The following CDC42BPB variants were observed in gnomAD, a reference collection of about 807,000 sequenced individuals.
The protein encoded by CDC42BPB is serine/threonine-protein kinase MRCK beta.
A neutral mutation model predicts 214.9 loss-of-function variants in CDC42BPB; 37 were observed. The ratio of observed to expected loss-of-function variants is 0.17; its 90% CI spans 0.13 to 0.23. The LOEUF (loss-of-function observed/expected upper bound fraction) is 0.23. Among genes scored for constraint, CDC42BPB ranks in the 10% least tolerant of loss-of-function variants. The probability of loss-of-function intolerance (pLI) is 1.00; values close to 1 mark genes in which losing one functional copy is unlikely to be tolerated. For synonymous variants in CDC42BPB, 931 were observed against 884.0 expected (o/e 1.05, Z -0.94); for missense variants, 1,694 against 2,227.0 (o/e 0.76, Z 4.82).
intron 36 of CDC42BPB, among the ~76,000 whole-genome samples, chr14:102,934,750 A>G (rs183312637): frequency 2.9e-4 from 44 of 149,574 alleles, no homozygotes; most frequent in Admixed American, 6.0e-4. Context: ...GGTGGCTCAC[A>G]CCTGTAATCC....
At chr14:102,954,769 A>G (rs1892642458) in intron 21 of CDC42BPB, 81 bp from the exon 22 acceptor site, 1 of 1,523,694 alleles carries the variant, frequency 6.6e-7, no homozygotes, top group Non-Finnish European at 8.9e-7. Flanking sequence ...TTCTTTACTA[A>G]TAAAAGCAGA....
rs746030001 is a variant in CDC42BPB, at chr14:103,004,009, T to G, written c.366A>C (p.Arg122=). 4 of 1,604,552 alleles carry G rather than the reference T, an allele frequency of 2.5e-6. No individual in the cohort carries two copies. In the South Asian group the frequency reaches 4.4e-5, roughly 18 times the overall value. The change falls in exon 4 of 37, where the codon CGA becomes CGC. Residue 122 remains arginine, a synonymous_variant. Transcript: ENST00000361246. The surrounding 1 kb of genome is among the most constrained non-coding windows in gnomAD (Gnocchi z 5.3). ...CGTTCACCAGCACATCGCGCTCCTC[T>G]CGGAAGCACGCGGTCTGCAAAGCAA... ...MLKRAETACF[R]EERDVLVNGD... is the part of the protein sequence containing the mutation.
In CDC42BPB at chr14:102,983,378, C is replaced by T. The variant is rs12433994; in HGVS notation, c.891+178G>A. Among the ~76,000 whole-genome samples, 208 of 152,246 alleles carry T rather than the reference C, an allele frequency of 1.4e-3. 3 individuals carry two copies. Among genetic ancestry groups the T allele is most frequent in the Admixed American group, 6.2e-3 (95 of 15,294 alleles). ...ACATCTCCTGGTGCCGACCCCGCCTCTGGATGCCCTCTCCAATGTCTACTC... is the reference window on the plus strand; with the variant it reads ...ACATCTCCTGGTGCCGACCCCGCCTTTGGATGCCCTCTCCAATGTCTACTC... On this transcript the variant is annotated intron_variant, in intron 7 of 36. Coordinates refer to ENST00000361246, the MANE Select transcript of CDC42BPB (RefSeq NM_006035.4).
At chr14:103,016,273 C>G (rs1044902226) in intron 1 of CDC42BPB, among the ~76,000 whole-genome samples, 9 of 152,244 alleles carry the variant, frequency 5.9e-5, no homozygotes, top group Non-Finnish European at 1.5e-5. Flanking sequence ...GAAGGAACTT[C>G]GCTGCCAGGA....
rs978791683 is a variant in CDC42BPB, at chr14:102,938,187, G to A, written c.4934-13C>T. 10 of 1,612,584 alleles carry A rather than the reference G, an allele frequency of 6.2e-6. No homozygotes were observed. Among genetic ancestry groups the A allele is most frequent in the Non-Finnish European group, 8.5e-6 (10 of 1,179,520 alleles). On this transcript the variant is annotated splice_polypyrimidine_tract_variant and intron_variant, in intron 35 of 36. Coordinates refer to ENST00000361246, the MANE Select transcript of CDC42BPB (RefSeq NM_006035.4). ...GGCTCCGATCCACCTACAGAACAAG[G>A]ACAGCTTTCCTCTTAGGGAGAAAGT...
At chr14:103,021,721 A>G (rs973629467) in intron 1 of CDC42BPB, among the ~76,000 whole-genome samples, 5 of 150,696 alleles carry the variant, frequency 3.3e-5, no homozygotes, top group Admixed American at 1.3e-4. Flanking sequence ...AAAGACAGGA[A>G]GACAAGTGAG....
intron 6 of CDC42BPB, among the ~76,000 whole-genome samples, chr14:102,984,675 T>C (rs1413271688): frequency 6.7e-6 from 1 of 150,322 alleles, no homozygotes; most frequent in African/African-American, 2.5e-5. Flanking sequence ...CGATGGAGAG[T>C]ATAGGGCCAT....
At chr14:102,946,411 C>T (rs546039088) in intron 28 of CDC42BPB, 57 bp downstream of exon 28, 52 of 1,580,740 alleles carry the variant, frequency 3.3e-5, no homozygotes, top group Middle Eastern at 2.1e-4. Flanking sequence ...GGCACTGCAG[C>T]GCCGCCGGAA....
intron 9 of CDC42BPB, 85 bp from the exon 10 acceptor site, chr14:102,976,134 T>A: frequency 6.5e-6 from 10 of 1,548,262 alleles, no homozygotes; most frequent in Non-Finnish European, 8.7e-6. Flanking sequence ...AGGTGAAAGA[T>A]AGTCTTTTTA....
At chr14:102,995,527 C>T (rs1024770755) in intron 5 of CDC42BPB, among the ~76,000 whole-genome samples, 2 of 152,222 alleles carry the variant, frequency 1.3e-5, no homozygotes. Context: ...TTCCGGATAT[C>T]ATCAGGGGCT....
At chr14:103,030,775 G>C (rs976511988) in intron 1 of CDC42BPB, among the ~76,000 whole-genome samples, 11 of 152,080 alleles carry the variant, frequency 7.2e-5, no homozygotes, top group Non-Finnish European at 1.6e-4. Context: ...CTTACGCCTA[G>C]ATGTTCCAGA....
chr14:102,954,882 C>T (rs1892647134), intron 21 of CDC42BPB, 194 bp from the exon 22 acceptor site: 1 of 869,170 alleles, frequency 1.2e-6, no homozygotes, highest in Non-Finnish European at 1.4e-6. Flanking sequence ...CCGGCCTGCC[C>T]TGAGGACCCC....
Position 102,933,716 on chromosome 14 carries a change from G to A in CDC42BPB, c.5132C>T (p.Thr1711Ile). 6.8e-7 allele frequency: 1 copy of A among 1,471,502 alleles called. No homozygotes were observed. The highest frequency in any genetic ancestry group is 8.9e-7 in the Non-Finnish European group (1 of 1,126,234). 91.2% of individuals were successfully genotyped at this position (1,471,502 alleles called of 1,614,324 possible). Residue 1711 changes from threonine (T) to isoleucine (I), a missense_variant, in exon 37 of 37, where the codon ACC (threonine) becomes ATC (isoleucine). By Grantham distance (89) the Thr-to-Ile change is moderately conservative (BLOSUM62 -1). Transcript: ENST00000361246. ...CCCTGTGGCGAGCTGGCGGCTTCAG[G>A]TGTCACAGGCCGGCTGCTCCAGGCC... is the stretch of plus-strand genomic sequence containing the variant. The part of the protein sequence containing the change: ...LEGLEQPACD[T>I]
chr14:103,042,695 A>G (rs1174903473), intron 1 of CDC42BPB, among the ~76,000 whole-genome samples: 2 of 152,334 alleles, frequency 1.3e-5, no homozygotes, highest in Non-Finnish European at 2.9e-5. Flanking sequence ...TAACACATGA[A>G]AAGATGTTCA....
At position 102,999,624 on chromosome 14, in the gene CDC42BPB, G is replaced by GTC. The variant is rs1476272685; in HGVS notation, c.536_537insGA (p.Phe179LeufsTer33). 1 of 1,614,160 alleles carries GTC rather than the reference G, an allele frequency of 6.2e-7. No individual in the cohort carries two copies. Among genetic ancestry groups the GTC allele is most frequent in the Non-Finnish European group, 8.5e-7 (1 of 1,180,012 alleles). On this transcript the variant is annotated frameshift_variant, in exon 5 of 37. Transcript: ENST00000361246. LOFTEE classifies it high-confidence loss of function. ...TGGCCAGCACCATTTCACCAATGTA[G>GTC]AACCTCGCCATATCTTCCGGAAGCT...
chr14:103,020,136 C>T (rs1886686450), intron 1 of CDC42BPB, among the ~76,000 whole-genome samples: 2 of 152,230 alleles, frequency 1.3e-5, no homozygotes, highest in African/African-American at 2.4e-5. Context: ...TCTGTTCATC[C>T]GTGCCACCCT....
At chr14:102,949,663 G>T in intron 26 of CDC42BPB, 102 bp downstream of exon 26, 1 of 1,441,196 alleles carries the variant, frequency 6.9e-7, no homozygotes, top group African/African-American at 1.4e-5. Context: ...AGCAGGTGAA[G>T]TACTAATGAG....
intron 4 of CDC42BPB, among the ~76,000 whole-genome samples, chr14:103,003,395 C>T (rs1411847555): frequency 6.6e-6 from 1 of 152,202 alleles, no homozygotes; most frequent in East Asian, 1.9e-4. Flanking sequence ...ATGTGCGTCA[C>T]GAGGCTGGTC....
At chr14:103,005,576 G>A (rs971506857) in intron 3 of CDC42BPB, among the ~76,000 whole-genome samples, 1 of 152,022 alleles carries the variant, frequency 6.6e-6, no homozygotes, top group African/African-American at 2.4e-5. Context: ...CGGGTGTGGT[G>A]TCACCCGTCT....
Sources: allele counts gnomAD v4.1 joint callset (sites outside exome capture counted in the v4.1 genomes callset), GRCh38; gene constraint gnomAD v4.1.1; non-coding constraint Gnocchi (gnomAD v3.1); transcripts MANE v1.5; gene names NCBI Gene and HGNC (gene_info 2026-07-23, HGNC 2026-07-21).